Variants in GABRB2 observed in about 807,000 individuals in gnomAD.
GABRB2 encodes the protein gamma-aminobutyric acid type A receptor subunit beta2.
In GABRB2, 16 loss-of-function variants were observed where a neutral mutation model predicts 54.7. The ratio of observed to expected loss-of-function variants is 0.29; its 90% CI spans 0.20 to 0.44. The LOEUF is 0.44. Among genes scored for constraint, GABRB2 ranks in the 20% least tolerant of loss-of-function variants. The pLI is 1.00. For synonymous variants in GABRB2, 244 were observed against 233.8 expected (o/e 1.04, Z -0.40); for missense variants, 355 against 644.0 (o/e 0.55, Z 4.86).
chr5:161,320,706 A>C (rs1758183984), intron 9 of GABRB2, among the ~76,000 whole-genome samples: 1 of 151,924 alleles, frequency 6.6e-6, no homozygotes. Flanking sequence ...CTTTAGAAAT[A>C]TCTCTATTAT....
At position 161,507,308 on chromosome 5, in the gene GABRB2, A is replaced by G. The variant is rs942778122; in HGVS notation, c.237+37919T>C. Among the ~76,000 whole-genome samples the G allele has an allele frequency of 4.6e-5, 7 of 152,106 alleles. No homozygotes were observed. The South Asian group carries it at 1.4e-3, about 31-fold the overall frequency. ...AATAAAGCCTGTTATTTAATGGCAA[A>G]TAATAAAGTAGGACAGTTAATAGTA... On this transcript the variant is annotated intron_variant, in intron 3 of 9. Coordinates refer to ENST00000393959, the MANE Select transcript of GABRB2 (RefSeq NM_001371727.1).
At chr5:161,546,885 T>C, upstream of GABRB2, 1 of 699,908 alleles carries the variant, frequency 1.4e-6, no homozygotes, top group East Asian at 3.6e-5. Flanking sequence ...TATAGAAAAG[T>C]CACCCCACAG....
intron 9 of GABRB2, among the ~76,000 whole-genome samples, chr5:161,323,428 T>C (rs10044982): frequency 0.11 from 16,090 of 152,168 alleles, 1,066 homozygotes; most frequent in African/African-American, 0.17. Context: ...TGTCATGCTG[T>C]TTCTTTGTTT....
intron 3 of GABRB2, among the ~76,000 whole-genome samples, chr5:161,472,456 G>GCA (rs71587159): frequency 0.023 from 3,283 of 141,340 alleles, 60 homozygotes; most frequent in Non-Finnish European, 0.035. Flanking sequence ...ACGCACACAT[G>GCA]CACACACACA....
At chr5:161,306,577 G>A (rs1757696942) in intron 9 of GABRB2, among the ~76,000 whole-genome samples, 1 of 152,188 alleles carries the variant, frequency 6.6e-6, no homozygotes, top group Non-Finnish European at 1.5e-5. Flanking sequence ...TCATAGGTGT[G>A]TGGGGAACAC....
At chr5:161,374,159 G>A (rs927027158) in intron 5 of GABRB2, among the ~76,000 whole-genome samples, 1 of 151,964 alleles carries the variant, frequency 6.6e-6, no homozygotes, top group Non-Finnish European at 1.5e-5. Flanking sequence ...GGTCAGGCTG[G>A]TCTCGAACTC....
In GABRB2 at chr5:161,290,933, C is replaced by G. The variant is rs573290216; in HGVS notation, c.*3148G>C. On this transcript the variant is annotated 3_prime_UTR_variant, in exon 10 of 10. Coordinates refer to ENST00000393959, the MANE Select transcript of GABRB2 (RefSeq NM_001371727.1). ...ATGTAAAGTCTTTTGGTTCATAAAC[C>G]ATTTTTATTATTATTATTTTACTTA... The G allele has an allele frequency of 6.6e-6, 1 of 152,508 alleles. No homozygotes were observed. Among genetic ancestry groups the G allele is most frequent in the Admixed American group, 6.6e-5 (1 of 15,246 alleles). The allele number at this position is 152,508 out of a possible 1,614,324, so 9.4% of individuals were successfully genotyped here. A position where few individuals can be genotyped will look rare whatever the true frequency, so the allele number is the denominator to read the frequency against.
chr5:161,398,538 GCAT>G (rs1756075187), intron 5 of GABRB2, among the ~76,000 whole-genome samples: 2 of 152,128 alleles, frequency 1.3e-5, no homozygotes, highest in African/African-American at 4.8e-5. Context: ...CCTCCACTGA[GCAT>G]CAATTTCCAC....
intron 3 of GABRB2, among the ~76,000 whole-genome samples, chr5:161,543,968 C>A (rs1026775324): frequency 1.3e-5 from 2 of 152,092 alleles, no homozygotes; most frequent in Admixed American, 6.5e-5. Flanking sequence ...GCAGAATTCC[C>A]TTGCATACTC....
chr5:161,323,050 A>T (rs1279364755), intron 9 of GABRB2, among the ~76,000 whole-genome samples: 6 of 144,504 alleles, frequency 4.2e-5, no homozygotes, highest in African/African-American at 1.6e-4. Flanking sequence ...TTTGAGACGG[A>T]GTCTTACTCT....
intron 3 of GABRB2, among the ~76,000 whole-genome samples, chr5:161,464,739 A>G (rs925977388): frequency 3.9e-5 from 6 of 152,182 alleles, no homozygotes; most frequent in African/African-American, 1.4e-4. Context: ...TATTGATATA[A>G]GCAATATCAT....
At chr5:161,526,565 AG>A (rs1315121360) in intron 3 of GABRB2, among the ~76,000 whole-genome samples, 2 of 150,812 alleles carry the variant, frequency 1.3e-5, no homozygotes, top group African/African-American at 4.8e-5. Flanking sequence ...CATTCAAAGA[AG>A]TTTTTTTTTT....
At chr5:161,527,718 A>T (rs1760326794) in intron 3 of GABRB2, among the ~76,000 whole-genome samples, 1 of 151,628 alleles carries the variant, frequency 6.6e-6, no homozygotes, top group African/African-American at 2.4e-5. Context: ...ATAAACACGG[A>T]AGAGTGTCTG....
At chr5:161,542,693 C>T (rs773821682) in intron 3 of GABRB2, among the ~76,000 whole-genome samples, 2 of 152,146 alleles carry the variant, frequency 1.3e-5, no homozygotes, top group Admixed American at 1.3e-4. Context: ...GAAAGACATG[C>T]TATATCATAA....
At chr5:161,346,590 C>T (rs998527856) in intron 5 of GABRB2, among the ~76,000 whole-genome samples, 1 of 152,092 alleles carries the variant, frequency 6.6e-6, no homozygotes, top group African/African-American at 2.4e-5. Context: ...TACATCTTCA[C>T]TGGGATGGGG....
At chr5:161,494,519 A>T (rs975098608) in intron 3 of GABRB2, among the ~76,000 whole-genome samples, 3 of 146,904 alleles carry the variant, frequency 2.0e-5, no homozygotes, top group African/African-American at 7.5e-5. Context: ...CAGTGGGAAT[A>T]TATTTACTGT....
intron 3 of GABRB2, among the ~76,000 whole-genome samples, chr5:161,492,760 GA>G (rs1384392629): frequency 2.6e-4 from 39 of 151,810 alleles, no homozygotes; most frequent in African/African-American, 7.9e-4. Context: ...AGTCTGGTAT[GA>G]GTCAAACGGG....
At position 161,495,602 on chromosome 5, in the gene GABRB2, T is replaced by C. The variant is rs76259798; in HGVS notation, c.238-35758A>G. Among the ~76,000 whole-genome samples, 624 of 152,198 alleles carry C rather than the reference T, an allele frequency of 4.1e-3. 5 individuals carry two copies. The highest frequency in any genetic ancestry group is 0.014 in the African/African-American group (578 of 41,556). ...TAACAACTCAAAATAGTGTATTCTA[T>C]ACTCCAGAAGGTGAATGGCATTCAA... is the stretch of plus-strand genomic sequence containing the variant. On this transcript the variant is annotated intron_variant, in intron 3 of 9. Coordinates refer to ENST00000393959, the MANE Select transcript of GABRB2 (RefSeq NM_001371727.1).
At chr5:161,544,243 C>A (rs1388098325) in intron 3 of GABRB2, among the ~76,000 whole-genome samples, 1 of 152,202 alleles carries the variant, frequency 6.6e-6, no homozygotes, top group African/African-American at 2.4e-5. Context: ...TGCCAAAACA[C>A]AACCTTCTGA....
Sources: gnomAD v4.1 joint callset for allele counts (sites outside exome capture counted in the v4.1 genomes callset) on GRCh38, gnomAD v4.1.1 for gene constraint, MANE v1.5 for transcripts, NCBI Gene and HGNC (gene_info 2026-07-23, HGNC 2026-07-21) for gene names.